Variants in APOL6 observed in about 807,000 individuals in gnomAD.
APOL6 encodes apolipoprotein L6, also known as apolipoprotein L, 6.
Under a neutral mutation model 2.4 loss-of-function variants are expected in APOL6, and 1 was observed. That is an observed-to-expected ratio of 0.41 (90% CI 0.15 to 1.94). The LOEUF (loss-of-function observed/expected upper bound fraction) is 1.94. Ranked by LOEUF, APOL6 falls within the 30% of genes most tolerant of loss-of-function variation. The pLI is 0.30. For missense variants in APOL6, 438 were observed against 429.2 expected, an observed-to-expected ratio of 1.02 and a Z score of -0.18; for synonymous variants, 189 against 169.3, an observed-to-expected ratio of 1.12 and a Z score of -0.90.
At position 35,664,238 on chromosome 22, in the gene APOL6, C is replaced by T. The variant is rs548816426; in HGVS notation, c.*4642C>T. ...GGCATAGGGGTTATAAAACTATAAA[C>T]CCAGCCCAAAACAGAATGATCTTTG... On this transcript the variant is annotated 3_prime_UTR_variant, in exon 3 of 3. Coordinates refer to ENST00000409652, the MANE Select transcript of APOL6 (RefSeq NM_030641.4). 2 of 152,252 alleles carry T rather than the reference C, an allele frequency of 1.3e-5. No homozygotes were observed. Among genetic ancestry groups the T allele is most frequent in the East Asian group, 3.9e-4 (2 of 5,186 alleles). 9.4% of individuals were successfully genotyped at this position (152,252 alleles called of 1,614,324 possible). A position where few individuals can be genotyped will look rare whatever the true frequency, so the allele number is the denominator to read the frequency against.
intron 1 of APOL6, among the ~76,000 whole-genome samples, chr22:35,655,328 G>A (rs889210069): frequency 6.6e-6 from 1 of 152,110 alleles, no homozygotes; most frequent in African/African-American, 2.4e-5. Flanking sequence ...ATCCATCTAA[G>A]GAATCACTTA....
rs187881471 is a variant in APOL6 at position 35,666,023 on chromosome 22, G to C, written c.*6427G>C. 6.6e-6 allele frequency: 1 copy of C among 152,242 alleles called. No individual in the cohort carries two copies. The highest frequency in any genetic ancestry group is 6.5e-5 in the Admixed American group (1 of 15,296). 9.4% of individuals were successfully genotyped at this position (152,242 alleles called of 1,614,324 possible). On this transcript the variant is annotated 3_prime_UTR_variant, in exon 3 of 3. Coordinates refer to ENST00000409652, the MANE Select transcript of APOL6 (RefSeq NM_030641.4). ...AGGAAGCATTGTCAAATGTGAAATG[G>C]TGTTTGGTTTTCTTTGGGCTGTATT...
Position 35,664,150 on chromosome 22 carries a change from G to A in APOL6, c.*4554G>A, listed in dbSNP as rs1249720948. The A allele has an allele frequency of 6.6e-6, 1 of 152,140 alleles. No homozygotes were observed. The highest frequency in any genetic ancestry group is 1.5e-5 in the Non-Finnish European group (1 of 68,006). The allele number at this position is 152,140 out of a possible 1,614,324, so 9.4% of individuals were successfully genotyped here. On this transcript the variant is annotated 3_prime_UTR_variant, in exon 3 of 3. Coordinates refer to ENST00000409652, the MANE Select transcript of APOL6 (RefSeq NM_030641.4). ...GAATTGCCAGCATACATTTTTGTTT[G>A]CATTATATTAATCAAACAGTTTTAT...
At position 35,665,983 on chromosome 22, in the gene APOL6, G is replaced by A. The variant is rs1925169277; in HGVS notation, c.*6387G>A. 6.6e-6 allele frequency: 1 copy of A among 152,048 alleles called. No individual in the cohort carries two copies. The highest frequency in any genetic ancestry group is 1.5e-5 in the Non-Finnish European group (1 of 68,006). 9.4% of individuals were successfully genotyped at this position (152,048 alleles called of 1,614,324 possible). On this transcript the variant is annotated 3_prime_UTR_variant, in exon 3 of 3. Transcript: ENST00000409652. ...AAAATGACATAATTTGGCTTATTTG[G>A]TATAAAAATTATATAGGAAGCATTG...
rs752858557 is a variant in APOL6 at position 35,658,854 on chromosome 22, C to T, written c.290C>T (p.Ala97Val). ...ISGVMSLLGL[A>V]LAPATGGGSL... ...GGAGTGATGAGCCTCCTGGGTTTAGCCCTTGCCCCAGCAACAGGAGGAGGA... is the reference window on the plus strand; with the variant it reads ...GGAGTGATGAGCCTCCTGGGTTTAGTCCTTGCCCCAGCAACAGGAGGAGGA... The change falls in exon 3 of 3, where the codon GCC becomes GTC. Residue 97 changes from alanine to valine, a missense_variant. Physicochemically the swap from Ala to Val is moderately conservative, Grantham distance 64. Coordinates refer to ENST00000409652, the MANE Select transcript of APOL6 (RefSeq NM_030641.4). The T allele has an allele frequency of 1.9e-6, 3 of 1,614,132 alleles. No homozygotes were observed. The East Asian group carries it at 6.7e-5, about 36-fold the overall frequency.
In APOL6 at chr22:35,659,572, CTG is replaced by C; in HGVS notation, c.1014_1015del (p.Tyr339CysfsTer48). ...WLWLCVCLCV[C>X]VYVQFT ...TGTGGCTGTGTGTGTGTCTGTGTGT[CTG>C]TGTGTATGTACAGTTTACATGAATG... On this transcript the variant is annotated frameshift_variant, in exon 3 of 3. Coordinates refer to ENST00000409652, the MANE Select transcript of APOL6 (RefSeq NM_030641.4). LOFTEE classifies it low-confidence loss of function (END_TRUNC). 1.2e-6 allele frequency: 2 copies of C among 1,608,992 alleles called. No homozygotes were observed. The highest frequency in any genetic ancestry group is 1.7e-6 in the Non-Finnish European group (2 of 1,177,574).
At chr22:35,651,715 A>G (rs1295563159) in intron 1 of APOL6, among the ~76,000 whole-genome samples, 1 of 152,196 alleles carries the variant, frequency 6.6e-6, no homozygotes, top group Non-Finnish European at 1.5e-5. Context: ...TGTCCCTACA[A>G]AGGACACGAA....
intron 1 of APOL6, among the ~76,000 whole-genome samples, chr22:35,649,782 G>A (rs1021026223): frequency 2.6e-5 from 4 of 152,188 alleles, no homozygotes; most frequent in Non-Finnish European, 2.9e-5. Flanking sequence ...GGTAAAAAAT[G>A]GGGTTCCAGA....
intron 1 of APOL6, among the ~76,000 whole-genome samples, chr22:35,650,864 A>C (rs1374561740): frequency 6.6e-6 from 1 of 151,884 alleles, no homozygotes; most frequent in Non-Finnish European, 1.5e-5. Context: ...TGGGAGGTGG[A>C]GGTTGCAGTG....
In APOL6 at chr22:35,667,326, G is replaced by T. The variant is rs1925214979; in HGVS notation, c.*7730G>T. 1 of 152,174 alleles carries T rather than the reference G, an allele frequency of 6.6e-6. No homozygotes were observed. Among genetic ancestry groups the T allele is most frequent in the African/African-American group, 2.4e-5 (1 of 41,432 alleles). 9.4% of individuals were successfully genotyped at this position (152,174 alleles called of 1,614,324 possible). A position where few individuals can be genotyped will look rare whatever the true frequency, so the allele number is the denominator to read the frequency against. ...AAGTCTTATCTGAGATTCCTCCTGTGGAACAAAGTTAATTGGTTCCAGAGA... is the reference window on the plus strand; with the variant it reads ...AAGTCTTATCTGAGATTCCTCCTGTTGAACAAAGTTAATTGGTTCCAGAGA... On this transcript the variant is annotated 3_prime_UTR_variant, in exon 3 of 3. Coordinates refer to ENST00000409652, the MANE Select transcript of APOL6 (RefSeq NM_030641.4).
rs1925201993 is a variant in APOL6 at position 35,666,981 on chromosome 22, C to T, written c.*7385C>T. ...GGTGATACAGTTATTTGCATAAGTG[C>T]AATAAGAATCTGTTCTAATTTGTAA... On this transcript the variant is annotated 3_prime_UTR_variant, in exon 3 of 3. Coordinates refer to ENST00000409652, the MANE Select transcript of APOL6 (RefSeq NM_030641.4). 6.6e-6 allele frequency: 1 copy of T among 152,148 alleles called. No individual in the cohort carries two copies. The highest frequency in any genetic ancestry group is 2.4e-5 in the African/African-American group (1 of 41,418). The allele number at this position is 152,148 out of a possible 1,614,324, so 9.4% of individuals were successfully genotyped here. A position where few individuals can be genotyped will look rare whatever the true frequency, so the allele number is the denominator to read the frequency against.
At chr22:35,652,051 C>T (rs1355921588) in intron 1 of APOL6, among the ~76,000 whole-genome samples, 11 of 152,168 alleles carry the variant, frequency 7.2e-5, no homozygotes, top group Non-Finnish European at 1.0e-4. Flanking sequence ...ACATCCTCTC[C>T]AGCACCTGTT....
intron 2 of APOL6, among the ~76,000 whole-genome samples, chr22:35,657,295 C>T (rs5755828): frequency 0.052 from 7,862 of 152,248 alleles, 332 homozygotes; most frequent in East Asian, 0.19. Context: ...CATCCCACCC[C>T]TTCCCCATTG....
chr22:35,658,346 A>G (rs1601867609), intron 2 of APOL6, among the ~76,000 whole-genome samples: 1 of 152,142 alleles, frequency 6.6e-6, no homozygotes, highest in Admixed American at 6.5e-5. Flanking sequence ...ATACCTCAGG[A>G]CTTAATTTTC....
chr22:35,656,302 C>T, intron 1 of APOL6, 77 bp from the exon 2 acceptor site: 1 of 1,149,632 alleles, frequency 8.7e-7, no homozygotes, highest in Non-Finnish European at 1.3e-6. Context: ...GTACATAATC[C>T]AAAATCCCTC....
chr22:35,667,923 C>T lies in APOL6; in HGVS notation c.*8327C>T, dbSNP rs1043071325. ...GGACTTCCTTCTGGGCCAGGACACT[C>T]GAAAATTAAACCTGAAAGACTGGTT... is the stretch of plus-strand genomic sequence containing the variant. On this transcript the variant is annotated 3_prime_UTR_variant, in exon 3 of 3. Coordinates refer to ENST00000409652, the MANE Select transcript of APOL6 (RefSeq NM_030641.4). 4 of 152,160 alleles carry T rather than the reference C, an allele frequency of 2.6e-5. No individual in the cohort carries two copies. The highest frequency in any genetic ancestry group is 7.2e-5 in the African/African-American group (3 of 41,406). 9.4% of individuals were successfully genotyped at this position (152,160 alleles called of 1,614,324 possible). A position where few individuals can be genotyped will look rare whatever the true frequency, so the allele number is the denominator to read the frequency against.
chr22:35,653,711 A>G (rs1008367068), intron 1 of APOL6, among the ~76,000 whole-genome samples: 2 of 151,930 alleles, frequency 1.3e-5, no homozygotes, highest in Non-Finnish European at 2.9e-5. Flanking sequence ...TCTTCTGGTC[A>G]CCAAAATATG....
Position 35,659,566 on chromosome 22 carries a change from G to A in APOL6, c.1002G>A (p.Leu334=). The A allele has an allele frequency of 6.2e-7, 1 of 1,612,656 alleles. No homozygotes were observed. The highest frequency in any genetic ancestry group is 1.3e-5 in the African/African-American group (1 of 75,016). The change falls in exon 3 of 3, where the codon CTG becomes CTA. Residue 334 remains leucine, a synonymous_variant. Coordinates refer to ENST00000409652, the MANE Select transcript of APOL6 (RefSeq NM_030641.4). ...VWMWLWLCVC[L]CVCVYVQFT ...TGTGGCTGTGGCTGTGTGTGTGTCTGTGTGTCTGTGTGTATGTACAGTTTA... is the reference window on the plus strand; with the variant it reads ...TGTGGCTGTGGCTGTGTGTGTGTCTATGTGTCTGTGTGTATGTACAGTTTA...
At position 35,658,734 on chromosome 22, in the gene APOL6, T is replaced by C. The variant is rs138724137; in HGVS notation, c.170T>C (p.Ile57Thr). Residue 57 changes from isoleucine to threonine, a missense_variant, in exon 3 of 3, where the codon ATT becomes ACT. Physicochemically the swap from Ile to Thr is moderately conservative, Grantham distance 89. Transcript: ENST00000409652. ...PRLKEDLKGNIDKLRALADDI... is the reference protein window; with the variant it reads ...PRLKEDLKGNTDKLRALADDI... ...TTGAAAGAAGATCTGAAAGGGAACA[T>C]TGACAAGCTCCGTGCCCTCGCAGAC... is the stretch of plus-strand genomic sequence containing the variant. 3 of 1,614,026 alleles carry C rather than the reference T, an allele frequency of 1.9e-6. No homozygotes were observed. In the African/African-American group the frequency reaches 4.0e-5, roughly 22 times the overall value.
Sources: gnomAD v4.1 joint callset for allele counts (sites outside exome capture counted in the v4.1 genomes callset) on GRCh38, gnomAD v4.1.1 for gene constraint, MANE v1.5 for transcripts, NCBI Gene and HGNC (gene_info 2026-07-23, HGNC 2026-07-21) for gene names.